The following MLLT10 variants were observed in gnomAD, a reference collection of about 807,000 sequenced individuals.
The protein encoded by MLLT10 is MLLT10 histone lysine methyltransferase DOT1L cofactor.
In MLLT10, 30 loss-of-function variants were observed where a neutral mutation model predicts 129.1. That is an observed-to-expected ratio of 0.23 (90% CI 0.17 to 0.32). The LOEUF is 0.32. Ranked by LOEUF, MLLT10 falls within the 10% of genes least tolerant of loss-of-function variation. The pLI, the probability that MLLT10 is intolerant of heterozygous loss-of-function variation, is 1.00. For missense variants in MLLT10, 1,119 were observed against 1,268.3 expected (o/e 0.88, Z 1.79); for synonymous variants, 490 against 446.4 (o/e 1.10, Z -1.23).
chr10:21,551,149 G>A (rs141386154), intron 3 of MLLT10, among the ~76,000 whole-genome samples: 4,209 of 151,416 alleles, frequency 0.028, 198 homozygotes, highest in African/African-American at 0.096. Context: ...TTGGTCTCGA[G>A]CTCCTGACCT....
intron 8 of MLLT10, 101 bp downstream of exon 8, chr10:21,617,308 C>A: frequency 2.2e-6 from 1 of 446,422 alleles, no homozygotes; most frequent in Non-Finnish European, 3.9e-6. Flanking sequence ...TAAATGGAGA[C>A]ATTGAAATAT....
At chr10:21,557,100 T>C in intron 3 of MLLT10, 2 of 1,401,906 alleles carry the variant, frequency 1.4e-6, no homozygotes, top group Non-Finnish European at 1.8e-6. Flanking sequence ...GAATTCTGCT[T>C]TCCATTTACA....
chr10:21,674,127 T>C (rs910058692), intron 11 of MLLT10, among the ~76,000 whole-genome samples: 1 of 152,240 alleles, frequency 6.6e-6, no homozygotes, highest in Non-Finnish European at 1.5e-5. Flanking sequence ...GGAAAGATGT[T>C]CGGCACTAAT....
upstream of MLLT10, among the ~76,000 whole-genome samples, chr10:21,533,985 G>C (rs943738047): frequency 2.0e-5 from 3 of 152,014 alleles, no homozygotes; most frequent in African/African-American, 7.2e-5. Context: ...CGCGCCACCA[G>C]CGCTGCAGAG....
chr10:21,548,266 C>G (rs556611443), intron 3 of MLLT10, among the ~76,000 whole-genome samples: 1 of 152,172 alleles, frequency 6.6e-6, no homozygotes, highest in South Asian at 2.1e-4. Flanking sequence ...TCTTCAAATA[C>G]TGTAACCTTC....
At chr10:21,563,528 A>C (rs1436511048) in intron 3 of MLLT10, among the ~76,000 whole-genome samples, 1 of 152,130 alleles carries the variant, frequency 6.6e-6, no homozygotes, top group Admixed American at 6.6e-5. Flanking sequence ...GTCTAAAAAC[A>C]GAACAAAACA....
intron 3 of MLLT10, among the ~76,000 whole-genome samples, chr10:21,550,094 A>C (rs1255303146): frequency 6.6e-6 from 1 of 152,208 alleles, no homozygotes; most frequent in Non-Finnish European, 1.5e-5. Context: ...TTAGTAGGGA[A>C]GAAGGAGAAA....
intron 21 of MLLT10, among the ~76,000 whole-genome samples, chr10:21,738,034 C>T (rs1020909082): frequency 4.6e-5 from 7 of 151,986 alleles, no homozygotes; most frequent in Admixed American, 2.6e-4. Flanking sequence ...CTTTGGGAGA[C>T]GGAGGTGGGC....
chr10:21,710,215 T>G (rs2055942410), intron 13 of MLLT10, among the ~76,000 whole-genome samples: 3 of 152,204 alleles, frequency 2.0e-5, no homozygotes, highest in Admixed American at 2.0e-4. Flanking sequence ...GTGATTCCAT[T>G]TTTGTTCCTT....
intron 5 of MLLT10, 123 bp downstream of exon 5, chr10:21,595,563 A>G: frequency 3.1e-6 from 2 of 653,738 alleles, no homozygotes; most frequent in Non-Finnish European, 5.1e-6. Context: ...AAAAATTACT[A>G]CTCCAAACTG....
rs368738974 is a variant in MLLT10, at chr10:21,614,831, C to T, written c.510C>T (p.Cys170=). 1.6e-5 allele frequency: 26 copies of T among 1,609,168 alleles called. No individual in the cohort carries two copies. Among genetic ancestry groups the T allele is most frequent in the South Asian group, 4.5e-5 (4 of 89,868 alleles). Residue 170 remains cysteine, a splice_region_variant and synonymous_variant, in exon 7 of 23, where the codon TGC becomes TGT. Coordinates refer to ENST00000307729, the MANE Select transcript of MLLT10 (RefSeq NM_001195626.3). The part of the protein sequence containing the change: ...HGCRQAFHVT[C]AQFAGLLCEE... ...AAATATACTTGGCTTTTATTTTCAG[C>T]GCTCAGTTTGCCGGACTGCTTTGTG... is the stretch of plus-strand genomic sequence containing the variant.
upstream of MLLT10, chr10:21,534,115 C>A: frequency 6.7e-6 from 2 of 299,762 alleles, no homozygotes; most frequent in Non-Finnish European, 1.2e-5. Flanking sequence ...GCGAGCGGCG[C>A]GGGGGAGGGG....
intron 9 of MLLT10, among the ~76,000 whole-genome samples, chr10:21,659,344 C>G (rs2049933847): frequency 6.6e-6 from 1 of 152,054 alleles, no homozygotes; most frequent in Admixed American, 6.6e-5. Flanking sequence ...CATTGCAACC[C>G]TTCTTCTCTC....
At chr10:21,633,206 AAATT>A (rs1385073134) in intron 8 of MLLT10, among the ~76,000 whole-genome samples, 1 of 152,382 alleles carries the variant, frequency 6.6e-6, no homozygotes, top group East Asian at 1.9e-4. Context: ...TTTTAAAACT[AAATT>A]AGTTAGTACA....
At chr10:21,630,153 C>T (rs1048812952) in intron 8 of MLLT10, among the ~76,000 whole-genome samples, 2 of 151,984 alleles carry the variant, frequency 1.3e-5, no homozygotes, top group Admixed American at 6.6e-5. Context: ...TATTGCTAGG[C>T]AGATTGGGTA....
chr10:21,649,581 T>C (rs569590570), intron 8 of MLLT10, among the ~76,000 whole-genome samples: 1 of 152,342 alleles, frequency 6.6e-6, no homozygotes, highest in East Asian at 1.9e-4. Flanking sequence ...GGTGGCTAGC[T>C]GGGTGTTCAG....
At chr10:21,720,543 T>C (rs750229771) in intron 14 of MLLT10, among the ~76,000 whole-genome samples, 6 of 152,242 alleles carry the variant, frequency 3.9e-5, no homozygotes, top group Non-Finnish European at 5.9e-5. Flanking sequence ...TAATCAAATA[T>C]ATTGTGTTCC....
chr10:21,669,574 ATGCTG>A (rs1427649333), intron 9 of MLLT10, among the ~76,000 whole-genome samples: 2 of 152,218 alleles, frequency 1.3e-5, no homozygotes, highest in Non-Finnish European at 2.9e-5. Context: ...AGTGAACTTT[ATGCTG>A]TGCATGCCTC....
intron 3 of MLLT10, among the ~76,000 whole-genome samples, chr10:21,567,900 A>G (rs1037849778): frequency 4.0e-5 from 6 of 150,436 alleles, no homozygotes; most frequent in African/African-American, 1.5e-4. Flanking sequence ...GCTCACTGCA[A>G]CCTCCGCCTC....
Sources: allele counts gnomAD v4.1 joint callset (sites outside exome capture counted in the v4.1 genomes callset), GRCh38; gene constraint gnomAD v4.1.1; transcripts MANE v1.5; gene names NCBI Gene and HGNC (gene_info 2026-07-23, HGNC 2026-07-21).